ATP8A2: variants seen among roughly 807,000 people sequenced by gnomAD.
The protein encoded by ATP8A2 is ATPase phospholipid transporting 8A2, also known as phospholipid-transporting ATPase IB.
Under a neutral mutation model 165.6 loss-of-function variants are expected in ATP8A2, and 100 were observed. The observed-to-expected ratio is 0.60, with a 90% CI of 0.51 to 0.71. The LOEUF (loss-of-function observed/expected upper bound fraction) is 0.71, where lower values mean the gene tolerates loss of function less well. Ranked by LOEUF, ATP8A2 falls within the 30% of genes least tolerant of loss-of-function variation. The pLI, the probability that ATP8A2 is intolerant of heterozygous loss-of-function variation, is 0.00. For missense variants in ATP8A2, 1,227 were observed against 1,479.5 expected, an observed-to-expected ratio of 0.83 and a Z score of 2.80; for synonymous variants, 543 against 548.8, an observed-to-expected ratio of 0.99 and a Z score of 0.15.
intron 27 of ATP8A2, among the ~76,000 whole-genome samples, chr13:25,786,983 A>G (rs898386752): frequency 6.6e-5 from 10 of 152,138 alleles, no homozygotes; most frequent in Non-Finnish European, 1.5e-4. Context: ...GGGTTTTGCC[A>G]TTTTGGCTAG....
intron 25 of ATP8A2, among the ~76,000 whole-genome samples, chr13:25,732,485 T>A (rs2043673042): frequency 6.6e-6 from 1 of 152,256 alleles, no homozygotes; most frequent in Non-Finnish European, 1.5e-5. Flanking sequence ...ATACCTCAGA[T>A]AAATAAATGA....
chr13:25,376,427 T>C (rs1010879843), intron 1 of ATP8A2, among the ~76,000 whole-genome samples: 1 of 152,232 alleles, frequency 6.6e-6, no homozygotes, highest in Non-Finnish European at 1.5e-5. Context: ...TGGAAGTTTC[T>C]TAAGGGCAGT....
chr13:25,878,569 A>G (rs985830727), intron 33 of ATP8A2, among the ~76,000 whole-genome samples: 3 of 151,768 alleles, frequency 2.0e-5, no homozygotes, highest in Non-Finnish European at 4.4e-5. Context: ...TCTTTATTGC[A>G]ACCTGTTTTA....
At chr13:25,390,631 G>A (rs2033209734) in intron 1 of ATP8A2, among the ~76,000 whole-genome samples, 1 of 152,004 alleles carries the variant, frequency 6.6e-6, no homozygotes, top group Admixed American at 6.5e-5. Context: ...CTTACATACT[G>A]CTTTTAAGAT....
chr13:25,737,298 T>A (rs1358084705), intron 25 of ATP8A2, among the ~76,000 whole-genome samples: 1 of 152,174 alleles, frequency 6.6e-6, no homozygotes, highest in Non-Finnish European at 1.5e-5. Context: ...ATGTTTGTGT[T>A]ATTTTATTTT....
At chr13:25,967,518 T>A (rs1378356532) in intron 34 of ATP8A2, among the ~76,000 whole-genome samples, 1 of 152,172 alleles carries the variant, frequency 6.6e-6, no homozygotes, top group Non-Finnish European at 1.5e-5. Flanking sequence ...ATGACACCGT[T>A]TTCATTTCTG....
At chr13:25,841,118 T>A (rs942268144) in intron 30 of ATP8A2, among the ~76,000 whole-genome samples, 3 of 152,222 alleles carry the variant, frequency 2.0e-5, no homozygotes, top group African/African-American at 7.2e-5. Context: ...TCATATACGT[T>A]CAGTTGGTGC....
intron 33 of ATP8A2, among the ~76,000 whole-genome samples, chr13:25,908,871 T>G (rs1199053064): frequency 2.0e-5 from 3 of 152,220 alleles, no homozygotes; most frequent in African/African-American, 7.2e-5. Context: ...TTGTGAATAA[T>G]TTTAGTGTGC....
chr13:25,797,350 C>T (rs980953784), intron 27 of ATP8A2, among the ~76,000 whole-genome samples: 10 of 152,038 alleles, frequency 6.6e-5, no homozygotes, highest in African/African-American at 2.2e-4. Flanking sequence ...GTGATGGATA[C>T]GCTATTTACC....
intron 35 of ATP8A2, among the ~76,000 whole-genome samples, chr13:25,982,342 A>T (rs1212419585): frequency 6.6e-6 from 1 of 152,214 alleles, no homozygotes; most frequent in Non-Finnish European, 1.5e-5. Context: ...TTCCCAATTT[A>T]TGCACAGTGC....
At chr13:25,859,054 T>G (rs765099958) in intron 30 of ATP8A2, among the ~76,000 whole-genome samples, 2 of 151,804 alleles carry the variant, frequency 1.3e-5, no homozygotes, top group Non-Finnish European at 2.9e-5. Context: ...AATACAAAAA[T>G]TAGCCAGGCA....
chr13:25,703,094 GT>G (rs2042983508), intron 25 of ATP8A2, among the ~76,000 whole-genome samples: 1 of 152,086 alleles, frequency 6.6e-6, no homozygotes, highest in African/African-American at 2.4e-5. Flanking sequence ...TTGTTTGTTT[GT>G]TTTGAGACAG....
At chr13:25,880,865 T>G (rs1479686529) in intron 33 of ATP8A2, 2 of 452,988 alleles carry the variant, frequency 4.4e-6, no homozygotes, top group South Asian at 3.2e-5. Flanking sequence ...TTTACCAGTT[T>G]CTTGATGAAA....
At chr13:25,618,030 A>G (rs2137438316) in intron 24 of ATP8A2, among the ~76,000 whole-genome samples, 1 of 152,312 alleles carries the variant, frequency 6.6e-6, no homozygotes, top group Admixed American at 6.5e-5. Context: ...GTGAGTGTGA[A>G]TGGATGTTTA....
chr13:25,698,619 T>C (rs887292914), intron 24 of ATP8A2, among the ~76,000 whole-genome samples: 2 of 152,086 alleles, frequency 1.3e-5, no homozygotes, highest in African/African-American at 4.8e-5. Context: ...TTAAGGCTGG[T>C]AGTAGTGTTT....
chr13:25,705,297 A>G (rs1055949441), intron 25 of ATP8A2: 11 of 290,194 alleles, frequency 3.8e-5, no homozygotes, highest in Non-Finnish European at 6.7e-6. Context: ...AAGAATCATC[A>G]GTGACCCCCT....
At chr13:25,947,275 T>C (rs1235539899) in intron 33 of ATP8A2, among the ~76,000 whole-genome samples, 1 of 152,206 alleles carries the variant, frequency 6.6e-6, no homozygotes, top group African/African-American at 2.4e-5. Flanking sequence ...TATCTCATAT[T>C]CAGGGTATGT....
At chr13:25,655,029 GT>G (rs971026127) in intron 24 of ATP8A2, among the ~76,000 whole-genome samples, 1 of 152,138 alleles carries the variant, frequency 6.6e-6, no homozygotes, top group African/African-American at 2.4e-5. Flanking sequence ...GAGACTAAGT[GT>G]TTTTTTACAA....
intron 27 of ATP8A2, among the ~76,000 whole-genome samples, chr13:25,818,975 G>T (rs1040980582): frequency 7.9e-5 from 12 of 152,150 alleles, no homozygotes; most frequent in African/African-American, 2.9e-4. Flanking sequence ...ATTCTTTGAA[G>T]TTGAAGTGAT....
Sources: allele counts gnomAD v4.1 joint callset (sites outside exome capture counted in the v4.1 genomes callset), GRCh38; gene constraint gnomAD v4.1.1; transcripts MANE v1.5; gene names NCBI Gene and HGNC (gene_info 2026-07-23, HGNC 2026-07-21).